NOL10: variants seen among roughly 807,000 people sequenced by gnomAD.
NOL10 encodes H_NH0074G24.1.
NOL10 carries 58 observed loss-of-function variants against 103.5 expected under a neutral mutation model. The observed-to-expected ratio is 0.56, with a 90% CI of 0.45 to 0.70. NOL10 has a LOEUF of 0.70. Ranked by LOEUF, NOL10 falls within the 30% of genes least tolerant of loss-of-function variation. The pLI is 0.00. For missense variants in NOL10, 763 were observed against 807.3 expected, an observed-to-expected ratio of 0.95 and a Z score of 0.67; for synonymous variants, 287 against 282.5, an observed-to-expected ratio of 1.02 and a Z score of -0.16.
intron 19 of NOL10, among the ~76,000 whole-genome samples, chr2:10,587,158 C>CATATAT (rs1416086112): frequency 0.011 from 353 of 33,182 alleles, 112 homozygotes; most frequent in African/African-American, 0.058. Context: ...TACATATATA[C>CATATAT]ACATATATAC....
chr2:10,642,738 C>T (rs1040421433), intron 13 of NOL10, among the ~76,000 whole-genome samples: 2 of 152,168 alleles, frequency 1.3e-5, no homozygotes, highest in East Asian at 1.9e-4. Flanking sequence ...ACCCAGTCGA[C>T]GCAGCTATCC....
intron 13 of NOL10, among the ~76,000 whole-genome samples, chr2:10,630,234 T>C (rs1256705291): frequency 1.3e-5 from 2 of 152,268 alleles, no homozygotes; most frequent in African/African-American, 2.4e-5. Context: ...TCCTCTTTTG[T>C]TGCTCAAGAA....
Position 10,685,455 on chromosome 2 carries a change from T to A in NOL10, c.67-843A>T, listed in dbSNP as rs181397870. ...TTGCAGGGAGCTGAGATCTTCCCAC[T>A]ACACTCCGGCCTGGTGACTGAGAGA... On this transcript the variant is annotated intron_variant, in intron 1 of 20. Coordinates refer to ENST00000381685, the MANE Select transcript of NOL10 (RefSeq NM_024894.4). Among the ~76,000 whole-genome samples the A allele has an allele frequency of 1.8e-3, 205 of 113,994 alleles. 7 individuals carry two copies. In the Admixed American group the frequency reaches 0.019, roughly 11 times the overall value. The allele number at this position is 113,994 out of a possible 152,430, so 74.8% of individuals were successfully genotyped here.
chr2:10,678,439 CT>C (rs1681485270), intron 3 of NOL10, among the ~76,000 whole-genome samples: 2 of 149,090 alleles, frequency 1.3e-5, no homozygotes, highest in African/African-American at 4.9e-5. Flanking sequence ...AAAAAAAACA[CT>C]AATAAAAGTA....
At chr2:10,627,150 A>G (rs1486103092) in intron 13 of NOL10, among the ~76,000 whole-genome samples, 2 of 152,226 alleles carry the variant, frequency 1.3e-5, no homozygotes, top group Non-Finnish European at 2.9e-5. Flanking sequence ...CTTACAAAAG[A>G]ATCTGTATTA....
intron 11 of NOL10, among the ~76,000 whole-genome samples, 160 bp downstream of exon 11, chr2:10,657,582 A>G (rs1417794146): frequency 1.3e-5 from 2 of 152,148 alleles, no homozygotes; most frequent in Non-Finnish European, 2.9e-5. Flanking sequence ...CTAAATATGG[A>G]TATTATCTAT....
At chr2:10,661,908 G>GA (rs1249443174) in intron 9 of NOL10, among the ~76,000 whole-genome samples, 2,140 of 143,044 alleles carry the variant, frequency 0.015, 60 homozygotes, top group African/African-American at 0.049. Context: ...AAGCAAATCG[G>GA]AAAAAAAAAA....
chr2:10,626,748 T>C (rs546376824), intron 13 of NOL10, among the ~76,000 whole-genome samples: 1 of 145,130 alleles, frequency 6.9e-6, no homozygotes, highest in Non-Finnish European at 1.6e-5. Flanking sequence ...CAAACTAGCA[T>C]CTGAATAGGA....
At chr2:10,589,398 T>C in intron 18 of NOL10, 108 bp from the exon 19 acceptor site, 2 of 1,428,368 alleles carry the variant, frequency 1.4e-6, no homozygotes, top group South Asian at 1.4e-5. Flanking sequence ...ACAGCTGCTC[T>C]ACTGCATGCA....
At chr2:10,597,860 C>A (rs920705452) in intron 17 of NOL10, among the ~76,000 whole-genome samples, 1 of 152,200 alleles carries the variant, frequency 6.6e-6, no homozygotes, top group Non-Finnish European at 1.5e-5. Context: ...TCCTCCTTTT[C>A]ACTGGAAGTA....
At chr2:10,575,198 T>A (rs1674392615) in intron 20 of NOL10, among the ~76,000 whole-genome samples, 1 of 152,360 alleles carries the variant, frequency 6.6e-6, no homozygotes, top group Non-Finnish European at 1.5e-5. Flanking sequence ...AATGGCATTT[T>A]AAAATTAGAT....
chr2:10,661,144 T>C (rs868043925), intron 9 of NOL10, among the ~76,000 whole-genome samples: 3 of 152,252 alleles, frequency 2.0e-5, no homozygotes, highest in South Asian at 2.1e-4. Flanking sequence ...GGCATGATCT[T>C]GGCTCACTGC....
chr2:10,599,803 T>C (rs1216993628), intron 17 of NOL10, among the ~76,000 whole-genome samples: 2 of 152,168 alleles, frequency 1.3e-5, no homozygotes, highest in East Asian at 3.8e-4. Context: ...GGTCCTTGCA[T>C]GTTACAGATG....
intron 13 of NOL10, among the ~76,000 whole-genome samples, chr2:10,635,323 G>A (rs1236859434): frequency 2.0e-5 from 3 of 152,140 alleles, no homozygotes; most frequent in Admixed American, 2.0e-4. Context: ...CAACCTCTAC[G>A]TTCTCTATCG....
intron 13 of NOL10, among the ~76,000 whole-genome samples, chr2:10,632,806 A>T (rs1252631967): frequency 6.6e-6 from 1 of 152,132 alleles, no homozygotes; most frequent in African/African-American, 2.4e-5. Flanking sequence ...GGTTAAATTA[A>T]AATGTGAAAT....
At chr2:10,648,196 A>T (rs1042784939) in intron 12 of NOL10, among the ~76,000 whole-genome samples, 1 of 152,242 alleles carries the variant, frequency 6.6e-6, no homozygotes, top group Non-Finnish European at 1.5e-5. Flanking sequence ...GCCTTGGTAT[A>T]AGAAAAATAT....
At chr2:10,653,965 A>T (rs1679654700) in intron 12 of NOL10, among the ~76,000 whole-genome samples, 1 of 152,022 alleles carries the variant, frequency 6.6e-6, no homozygotes, top group Non-Finnish European at 1.5e-5. Context: ...TTTCTCCCAT[A>T]CTCTGAAATT....
chr2:10,648,338 G>A (rs527420989), intron 12 of NOL10, among the ~76,000 whole-genome samples: 2 of 152,278 alleles, frequency 1.3e-5, no homozygotes, highest in African/African-American at 4.8e-5. Flanking sequence ...ACAAAGAGTT[G>A]AACGGGAGGA....
At chr2:10,654,789 A>G (rs1572385620) in intron 11 of NOL10, among the ~76,000 whole-genome samples, 1 of 152,216 alleles carries the variant, frequency 6.6e-6, no homozygotes, top group East Asian at 1.9e-4. Context: ...CAAAAAAAAG[A>G]AAAATTACAA....
Sources: gnomAD v4.1 joint callset for allele counts (sites outside exome capture counted in the v4.1 genomes callset) on GRCh38, gnomAD v4.1.1 for gene constraint, MANE v1.5 for transcripts, NCBI Gene and HGNC (gene_info 2026-07-23, HGNC 2026-07-21) for gene names.